The following ARMCX4 variants were observed in gnomAD, a reference collection of about 807,000 sequenced individuals.
ARMCX4 encodes the protein armadillo repeat-containing X-linked protein 4.
A neutral mutation model predicts 34.7 loss-of-function variants in ARMCX4; 3 were observed. That is an observed-to-expected ratio of 0.09 (90% CI 0.04 to 0.22). The LOEUF is 0.22. Ranked by LOEUF, ARMCX4 falls within the 10% of genes least tolerant of loss-of-function variation. The probability of loss-of-function intolerance (pLI) is 1.00; values close to 1 mark genes in which losing one functional copy is unlikely to be tolerated. For missense variants in ARMCX4, 1,448 were observed against 1,720.8 expected (o/e 0.84, Z 2.81); for synonymous variants, 513 against 632.8 (o/e 0.81, Z 2.84).
At chrX:101,482,890 CTTTTTTTTTTTTTT>C (rs36075508), upstream of ARMCX4, among the ~76,000 whole-genome samples, 1 of 54,728 alleles carries the variant, frequency 1.8e-5, no homozygotes, top group African/African-American at 8.7e-5. Flanking sequence ...TTGCGTCAGG[CTTTTTTTTTTTTTT>C]TTTTTTTTTT....
At chrX:101,526,551 G>A (rs1220709558) in intron 11 of ARMCX4, among the ~76,000 whole-genome samples, 1 of 111,957 alleles carries the variant, frequency 8.9e-6, no homozygotes, top group African/African-American at 3.2e-5. Context: ...ATTGGATAAA[G>A]AGTCAAGAAC....
intron 2 of ARMCX4, among the ~76,000 whole-genome samples, chrX:101,486,439 C>A (rs1021296895): frequency 4.5e-5 from 5 of 110,478 alleles, no homozygotes; most frequent in African/African-American, 1.6e-4. Flanking sequence ...CTTTTCTCTT[C>A]TGCTGGAGAC....
chrX:101,490,524 G>T lies in ARMCX4; in HGVS notation c.1935G>T (p.Lys645Asn). Reference sequence around the variant, plus strand: ...AGGGTGAGGCCTTGCTTGGCACCAAGAATAAAGTTAAGGGTAATCCCAATG... The same window carrying T: ...AGGGTGAGGCCTTGCTTGGCACCAATAATAAAGTTAAGGGTAATCCCAATG... ...SFQGEALLGT[K>N]NKVKGNPNVV... Residue 645 changes from lysine to asparagine, a missense_variant, in exon 6 of 6, where the codon AAG becomes AAT. Around this residue, in one of 2 missense-constraint regions of ARMCX4, gnomAD observed 1,343 missense variants for 1,540.7 expected, o/e 0.87. Transcript: ENST00000423738. 1 of 1,156,264 alleles carries T rather than the reference G, an allele frequency of 8.6e-7. No homozygotes were observed. Among genetic ancestry groups the T allele is most frequent in the Non-Finnish European group, 1.1e-6 (1 of 873,014 alleles).
intron 11 of ARMCX4, among the ~76,000 whole-genome samples, chrX:101,527,881 C>T (rs1219166800): frequency 2.7e-5 from 3 of 111,690 alleles, no homozygotes; most frequent in Non-Finnish European, 3.8e-5. Flanking sequence ...GACGGATTCA[C>T]AGCCGAATTC....
chrX:101,448,518 CT>C (rs1299963407), downstream of ARMCX4, among the ~76,000 whole-genome samples: 1 of 112,211 alleles, frequency 8.9e-6, no homozygotes, highest in East Asian at 2.8e-4. Context: ...TATTGCCTGT[CT>C]TTTGGTTAAA....
upstream of ARMCX4, among the ~76,000 whole-genome samples, chrX:101,481,720 A>C (rs1188453495): frequency 9.0e-6 from 1 of 111,459 alleles, no homozygotes; most frequent in Non-Finnish European, 1.9e-5. Flanking sequence ...TAAGCAAATA[A>C]TTATATTTAT....
rs549413091 is a variant in ARMCX4, at chrX:101,426,089, C to G, written n.164+7089C>G. Among the ~76,000 whole-genome samples, 30 of 111,471 alleles carry G rather than the reference C, an allele frequency of 2.7e-4. 1 individual carries two copies. In the South Asian group the frequency reaches 8.6e-3, roughly 32 times the overall value. On this transcript the variant is annotated intron_variant and non_coding_transcript_variant, in intron 2 of 3. Coordinates refer to the ARMCX4 transcript ENST00000430461. ...CTGCCTGCCTTAGCCTCCCAAAGTG[C>G]TGGGATTACAGTCTTGAGCTGCTGC...
intron 11 of ARMCX4, chrX:101,516,569 T>C (rs1424213969): frequency 4.5e-5 from 5 of 111,637 alleles, no homozygotes; most frequent in African/African-American, 1.6e-4. Flanking sequence ...AGTTGTATTA[T>C]AATACGGTAA....
intron 11 of ARMCX4, among the ~76,000 whole-genome samples, chrX:101,515,383 T>TTTCTTTCTTTCTTTCTTTC (rs1934699622): frequency 1.1e-4 from 2 of 17,839 alleles, no homozygotes; most frequent in Admixed American, 6.4e-4. Context: ...TTCTTTCTTT[T>TTTCTTTCTTTCTTTCTTTC]TCTTTCTTTC....
At chrX:101,425,817 T>C in intron 2 of ARMCX4, among the ~76,000 whole-genome samples, 1 of 110,283 alleles carries the variant, frequency 9.1e-6, no homozygotes, top group Non-Finnish European at 1.9e-5. Context: ...GCCTTTCAAA[T>C]TATTTATTTA....
chrX:101,492,282 C>G lies in ARMCX4; in HGVS notation c.3693C>G (p.Ala1231=), dbSNP rs782506651. ...GGSWALAGNQ[A]IGELWAAGQA... Reference sequence around the variant, plus strand: ...CTTGGGCTCTCGCTGGGAATCAGGCCATTGGAGAGCTTTGGGCTGCGGGTC... The same window carrying G: ...CTTGGGCTCTCGCTGGGAATCAGGCGATTGGAGAGCTTTGGGCTGCGGGTC... The change falls in exon 6 of 6, where the codon GCC becomes GCG. Residue 1231 remains alanine, a synonymous_variant. Coordinates refer to ENST00000423738, the MANE Select transcript of ARMCX4 (RefSeq NM_001256155.3). 1.6e-5 allele frequency: 18 copies of G among 1,136,547 alleles called. No homozygotes were observed. Among genetic ancestry groups the G allele is most frequent in the South Asian group, 1.6e-4 (8 of 50,519 alleles). 93.7% of individuals were successfully genotyped at this position (1,136,547 alleles called of 1,213,427 possible).
At chrX:101,483,695 T>A (rs1180983021), upstream of ARMCX4, among the ~76,000 whole-genome samples, 1 of 111,995 alleles carries the variant, frequency 8.9e-6, no homozygotes. Context: ...TATGGTTTTT[T>A]TTTTTTACTT....
chrX:101,439,884 T>G (rs1931131765), intron 2 of ARMCX4, among the ~76,000 whole-genome samples: 2 of 111,686 alleles, frequency 1.8e-5, no homozygotes, highest in Admixed American at 9.5e-5. Context: ...TCGTCTAATT[T>G]TTTTTCAAGG....
chrX:101,489,427 G>T lies in ARMCX4; in HGVS notation c.838G>T (p.Ala280Ser). Residue 280 changes from alanine to serine, a missense_variant, in exon 6 of 6, where the codon GCA becomes TCA. This residue lies in a region of ARMCX4 where 1,343 missense variants were observed against 1,540.7 expected (regional missense o/e 0.87). Transcript: ENST00000423738. ...GGCTGGAGTGGACATGAAGTCCTGT[G>T]CACAGTCTCAGGCTGTGACCAAGAT... ...EVAGVDMKSC[A>S]QSQAVTKIQG... 8.7e-7 allele frequency: 1 copy of T among 1,155,625 alleles called. No individual in the cohort carries two copies. The highest frequency in any genetic ancestry group is 1.1e-6 in the Non-Finnish European group (1 of 872,728).
chrX:101,433,079 T>TGTATACATATATGTGTATACATACGCAC (rs1930333833), intron 2 of ARMCX4, among the ~76,000 whole-genome samples: 1 of 110,408 alleles, frequency 9.1e-6, no homozygotes, highest in Admixed American at 9.6e-5. Flanking sequence ...TATACACATA[T>TGTATACATATATGTGTATACATACGCAC]GTATACATAT....
rs183882909 is a variant in ARMCX4, at chrX:101,480,073, A to C, written c.-472-5950A>C. On this transcript the variant is annotated intron_variant and NMD_transcript_variant, in intron 4 of 15. Coordinates refer to the ARMCX4 transcript ENST00000433011. ...AACATATGGTTAAGTTAGCTCTTTA[A>C]ATTTATTGGGGAATAATGGACTATT... Among the ~76,000 whole-genome samples, 327 of 103,416 alleles carry C rather than the reference A, an allele frequency of 3.2e-3. 1 individual carries two copies. Among genetic ancestry groups the C allele is most frequent in the African/African-American group, 0.011 (308 of 28,519 alleles). 89.8% of individuals were successfully genotyped at this position (103,416 alleles called of 115,157 possible).
At chrX:101,507,392 T>C (rs782109904) in intron 8 of ARMCX4, among the ~76,000 whole-genome samples, 18 of 111,943 alleles carry the variant, frequency 1.6e-4, no homozygotes, top group Non-Finnish European at 9.4e-5. Context: ...CTCAGAGTCA[T>C]ACTTGGTACA....
chrX:101,509,202 C>G (rs1283556174), intron 8 of ARMCX4, among the ~76,000 whole-genome samples: 1 of 111,976 alleles, frequency 8.9e-6, no homozygotes, highest in Non-Finnish European at 1.9e-5. Context: ...CTGCTTTAAA[C>G]TAGACTGGTT....
At chrX:101,523,808 CTG>C (rs1163569126) in intron 11 of ARMCX4, among the ~76,000 whole-genome samples, 1 of 112,190 alleles carries the variant, frequency 8.9e-6, no homozygotes, top group African/African-American at 3.2e-5. Flanking sequence ...TGTAATAACT[CTG>C]TTTTTTTCTC....
Sources: allele counts gnomAD v4.1 joint callset (sites outside exome capture counted in the v4.1 genomes callset), GRCh38; gene constraint gnomAD v4.1.1; regional missense constraint gnomAD v4.1.1; transcripts MANE v1.5; gene names NCBI Gene and HGNC (gene_info 2026-07-23, HGNC 2026-07-21).